Variants in PHF12 observed in about 807,000 individuals in gnomAD.
PHF12 encodes PHD factor 1.
In PHF12, 6 loss-of-function variants were observed where a neutral mutation model predicts 99.8. The ratio of observed to expected loss-of-function variants is 0.06; its 90% CI spans 0.03 to 0.12. The LOEUF is 0.12. Among genes scored for constraint, PHF12 ranks in the 10% least tolerant of loss-of-function variants. The pLI is 1.00. For missense variants in PHF12, 954 were observed against 1,300.1 expected, an observed-to-expected ratio of 0.73 and a Z score of 4.09; for synonymous variants, 480 against 514.9, an observed-to-expected ratio of 0.93 and a Z score of 0.92.
In PHF12 at chr17:28,909,960, C is replaced by A. The variant is rs1215469465; in HGVS notation, c.2359+266G>T. On this transcript the variant is annotated intron_variant, in intron 11 of 14. Transcript: ENST00000332830. The stretch of plus-strand genomic sequence containing the variant: ...AGTACACTACATATACCCAAAGGTA[C>A]TGGTAGCTGCTTTGCTGTGTCTCGA... 6.3e-6 allele frequency: 4 copies of A among 636,830 alleles called. No individual in the cohort carries two copies. The South Asian group carries it at 7.3e-5, about 12-fold the overall frequency. The allele number at this position is 636,830 out of a possible 1,614,324, so 39.4% of individuals were successfully genotyped here.
chr17:28,943,963 C>A (rs920219175), intron 2 of PHF12, among the ~76,000 whole-genome samples: 1 of 152,122 alleles, frequency 6.6e-6, no homozygotes, highest in African/African-American at 2.4e-5. Flanking sequence ...TAGTTGAATT[C>A]CATTTAAATT....
intron 2 of PHF12, among the ~76,000 whole-genome samples, chr17:28,932,683 C>A (rs1010307089): frequency 6.6e-6 from 1 of 152,166 alleles, no homozygotes; most frequent in Non-Finnish European, 1.5e-5. Flanking sequence ...TGGTGGCTCA[C>A]GCCTGTAATC....
At chr17:28,945,368 GCA>G (rs1487076149) in intron 2 of PHF12, 1 of 152,190 alleles carries the variant, frequency 6.6e-6, no homozygotes, top group African/African-American at 2.4e-5. Context: ...TTTTGCCTGT[GCA>G]CAGAGACCTT....
At chr17:28,925,213 C>T (rs2040247548) in intron 3 of PHF12, 1 of 152,200 alleles carries the variant, frequency 6.6e-6, no homozygotes, top group African/African-American at 2.4e-5. Flanking sequence ...CCACGGATCC[C>T]CTCTGACCTT....
At position 28,917,419 on chromosome 17, in the gene PHF12, G is replaced by T. The variant is rs746729702; in HGVS notation, c.1000C>A (p.Arg334=). Residue 334 remains arginine (R), a synonymous_variant, in exon 7 of 15, where the codon CGG becomes AGG. Transcript: ENST00000332830. The part of the protein sequence containing the change: ...LNQKNMTLSN[R]CQVFDRFQDT... ...TGGAAACGATCAAACACCTGGCACC[G>T]ATTGCTCAGTGTCATATTCTTCTGG... 7.4e-6 allele frequency: 12 copies of T among 1,613,018 alleles called. 1 individual carries two copies. In the South Asian group the frequency reaches 1.3e-4, roughly 18 times the overall value.
At chr17:28,923,802 C>A in intron 4 of PHF12, 107 bp downstream of exon 4, 1 of 1,356,246 alleles carries the variant, frequency 7.4e-7, no homozygotes, top group Non-Finnish European at 9.9e-7. Context: ...GAACAGGAAC[C>A]CAAGACAGTA....
chr17:28,950,170 C>T lies in PHF12; in HGVS notation c.143G>A (p.Arg48Gln), dbSNP rs577065362. The T allele has an allele frequency of 4.3e-6, 7 of 1,613,876 alleles. No homozygotes were observed. The Admixed American group carries it at 1.2e-4, about 27-fold the overall frequency. Residue 48 changes from arginine (R) to glutamine (Q), a missense_variant, in exon 2 of 15, where the codon CGG becomes CAG. Arg to Gln is a conservative substitution (Grantham distance 43). This residue lies in a region of PHF12 where 66 missense variants were observed against 69.4 expected (regional missense o/e 0.95). Transcript: ENST00000332830. This position sits in a 1 kb window ranked among gnomAD's most constrained non-coding sequence, Gnocchi z 5.7. ...KRSRKPEKEP[R>Q]RSGRATNHDS... ...GTGGTTGGTGGCCCTGCCGCTTCTCCGGGGCTCCTTCTCAGGCTTCCGACT... is the reference window on the plus strand; with the variant it reads ...GTGGTTGGTGGCCCTGCCGCTTCTCTGGGGCTCCTTCTCAGGCTTCCGACT...
Position 28,950,743 on chromosome 17 carries a change from A to C in PHF12, c.66+152T>G. 1 of 1,132,670 alleles carries C rather than the reference A, an allele frequency of 8.8e-7. No homozygotes were observed. Among genetic ancestry groups the C allele is most frequent in the South Asian group, 1.9e-5 (1 of 53,822 alleles). The allele number at this position is 1,132,670 out of a possible 1,614,324, so 70.2% of individuals were successfully genotyped here. A position where few individuals can be genotyped will look rare whatever the true frequency, so the allele number is the denominator to read the frequency against. Reference sequence around the variant, plus strand: ...CCTCGGAGGCTGAGCTCAGCCCCCTAAATTGCAAAGAGGGGAGGGAGAGGC... The same window carrying C: ...CCTCGGAGGCTGAGCTCAGCCCCCTCAATTGCAAAGAGGGGAGGGAGAGGC... On this transcript the variant is annotated intron_variant, in intron 1 of 14. Coordinates refer to ENST00000332830, the MANE Select transcript of PHF12 (RefSeq NM_001033561.2). The surrounding 1 kb of genome is among the most constrained non-coding windows in gnomAD (Gnocchi z 5.7).
Position 28,921,771 on chromosome 17 carries a change from C to T in PHF12, c.753G>A (p.Gly251=). The T allele has an allele frequency of 6.2e-7, 1 of 1,614,090 alleles. No individual in the cohort carries two copies. Residue 251 remains glycine, a synonymous_variant, in exon 5 of 15, where the codon GGG becomes GGA. Coordinates refer to ENST00000332830, the MANE Select transcript of PHF12 (RefSeq NM_001033561.2). The part of the protein sequence containing the change: ...SKRRRKEETT[G]KNVKKTQHEL... ...CATGCTGTGTCTTCTTAACATTTTT[C>T]CCTGTGGTTTCCTCCTTTCTTCTCC...
chr17:28,917,959 G>A (rs931394512), intron 6 of PHF12, among the ~76,000 whole-genome samples: 5 of 152,262 alleles, frequency 3.3e-5, no homozygotes, highest in East Asian at 1.9e-4. Context: ...CTCCTACTCC[G>A]TGGTACCAAG....
rs2040223225 is a variant in PHF12 at position 28,924,169 on chromosome 17, G to T, written c.455C>A (p.Ala152Asp). 1.9e-6 allele frequency: 3 copies of T among 1,614,174 alleles called. No homozygotes were observed. The highest frequency in any genetic ancestry group is 2.5e-6 in the Non-Finnish European group (3 of 1,180,000). The change falls in exon 4 of 15, where the codon GCC becomes GAC. Residue 152 changes from alanine (A) to aspartate (D), a missense_variant. Physicochemically the swap from Ala to Asp is moderately radical, Grantham distance 126. Around this residue, in one of 8 missense-constraint regions of PHF12, gnomAD observed 109 missense variants for 145.4 expected, o/e 0.75. Coordinates refer to ENST00000332830, the MANE Select transcript of PHF12 (RefSeq NM_001033561.2). ...TCTCCTTTCCAGGATCCGGGCATGG[G>T]CAATGGCCTTTAGTTCAGTTTTGCT... ...SASKTELKAIAHARILERRAS... is the reference protein window; with the variant it reads ...SASKTELKAIDHARILERRAS...
At chr17:28,929,542 G>C (rs2040357397) in intron 2 of PHF12, among the ~76,000 whole-genome samples, 1 of 152,192 alleles carries the variant, frequency 6.6e-6, no homozygotes, top group Non-Finnish European at 1.5e-5. Context: ...ACTGTGCCCA[G>C]CCAAACTTGA....
rs1192466962 is a variant in PHF12, at chr17:28,906,100, C to T, written c.*83G>A. ...AGGGTTTCTGGTAGAGTATAGAAAA[C>T]ACCCGGGCTTGGTTTGTGTACATTT... On this transcript the variant is annotated 3_prime_UTR_variant, in exon 15 of 15. Transcript: ENST00000332830. This position sits in a 1 kb window ranked among gnomAD's most constrained non-coding sequence, Gnocchi z 4.2. 2 of 1,375,564 alleles carry T rather than the reference C, an allele frequency of 1.5e-6. No homozygotes were observed. The highest frequency in any genetic ancestry group is 2.9e-5 in the African/African-American group (2 of 68,954). 85.2% of individuals were successfully genotyped at this position (1,375,564 alleles called of 1,614,324 possible).
intron 2 of PHF12, among the ~76,000 whole-genome samples, chr17:28,944,156 A>G (rs2040676731): frequency 6.6e-6 from 1 of 152,182 alleles, no homozygotes; most frequent in African/African-American, 2.4e-5. Flanking sequence ...AAAAATACAC[A>G]AGTCATTTAC....
Position 28,917,464 on chromosome 17 carries a change from G to A in PHF12, c.970-15C>T. On this transcript the variant is annotated splice_polypyrimidine_tract_variant and intron_variant, in intron 6 of 14. Coordinates refer to ENST00000332830, the MANE Select transcript of PHF12 (RefSeq NM_001033561.2). ...TTCTGGTTCAGCTAGGGACAAAGCA[G>A]ACACAACCTTGTGGTGAGCCTCAAA... 1 of 1,590,282 alleles carries A rather than the reference G, an allele frequency of 6.3e-7. No homozygotes were observed. Among genetic ancestry groups the A allele is most frequent in the Non-Finnish European group, 8.6e-7 (1 of 1,166,820 alleles).
chr17:28,929,363 C>T (rs1167312262), intron 2 of PHF12, among the ~76,000 whole-genome samples: 3 of 151,980 alleles, frequency 2.0e-5, no homozygotes. Flanking sequence ...CCGCCTCAGC[C>T]TCCTGAGTAG....
chr17:28,912,857 G>T lies in PHF12; in HGVS notation c.1714C>A (p.Leu572Ile), dbSNP rs773555451. 6.2e-7 allele frequency: 1 copy of T among 1,610,702 alleles called. No homozygotes were observed. Among genetic ancestry groups the T allele is most frequent in the Non-Finnish European group, 8.5e-7 (1 of 1,177,650 alleles). ...PRRLPGANTP[L>I]PGLSHRQGWP... ...CCTTGCCGGTGTGAGAGGCCTGGTAGTGGGGTGTTAGCGCCTGGAAGTCGC... is the reference window on the plus strand; with the variant it reads ...CCTTGCCGGTGTGAGAGGCCTGGTATTGGGGTGTTAGCGCCTGGAAGTCGC... Residue 572 changes from leucine (L) to isoleucine (I), a missense_variant, in exon 9 of 15, where the codon CTA (leucine) becomes ATA (isoleucine). Physicochemically the swap from Leu to Ile is conservative, Grantham distance 5. Transcript: ENST00000332830.
chr17:28,912,554 G>T lies in PHF12; in HGVS notation c.2017C>A (p.Pro673Thr). ...PPNATRVLTP[P>T]QAAGDGILAT... ...AAGATACCATCTCCTGCTGCTTGCGGGGGAGTGAGCACCCGGGTGGCGTTT... is the reference window on the plus strand; with the variant it reads ...AAGATACCATCTCCTGCTGCTTGCGTGGGAGTGAGCACCCGGGTGGCGTTT... The change falls in exon 9 of 15, where the codon CCG becomes ACG. Residue 673 changes from proline (P) to threonine (T), a missense_variant. Transcript: ENST00000332830. 2 of 1,613,978 alleles carry T rather than the reference G, an allele frequency of 1.2e-6. No homozygotes were observed. Among genetic ancestry groups the T allele is most frequent in the Non-Finnish European group, 1.7e-6 (2 of 1,179,806 alleles).
intron 2 of PHF12, among the ~76,000 whole-genome samples, chr17:28,946,972 A>C (rs1318421365): frequency 6.6e-6 from 1 of 152,050 alleles, no homozygotes; most frequent in Non-Finnish European, 1.5e-5. Context: ...AAAATTAAGC[A>C]GTAATAGGAC....
Sources: allele counts gnomAD v4.1 joint callset (sites outside exome capture counted in the v4.1 genomes callset), GRCh38; gene constraint gnomAD v4.1.1; regional missense constraint gnomAD v4.1.1; non-coding constraint Gnocchi (gnomAD v3.1); transcripts MANE v1.5; gene names NCBI Gene and HGNC (gene_info 2026-07-23, HGNC 2026-07-21).